The following SLC2A13 variants were observed in gnomAD, a reference collection of about 807,000 sequenced individuals.
SLC2A13 encodes the protein proton myo-inositol cotransporter.
A neutral mutation model predicts 64.4 loss-of-function variants in SLC2A13; 32 were observed. The observed-to-expected ratio is 0.50, with a 90% CI of 0.37 to 0.67. The LOEUF is 0.67. Among genes scored for constraint, SLC2A13 ranks in the 30% least tolerant of loss-of-function variants. The pLI is 0.00. For synonymous variants in SLC2A13, 338 were observed against 327.1 expected (o/e 1.03, Z -0.36); for missense variants, 743 against 829.2 (o/e 0.90, Z 1.28).
chr12:40,055,232 T>C (rs939579057), intron 1 of SLC2A13, among the ~76,000 whole-genome samples: 7 of 152,202 alleles, frequency 4.6e-5, no homozygotes, highest in Admixed American at 2.0e-4. Context: ...ATAAAATGCC[T>C]GTAACAGAAG....
intron 4 of SLC2A13, among the ~76,000 whole-genome samples, chr12:39,878,414 T>C (rs1222608281): frequency 1.3e-5 from 2 of 152,212 alleles, no homozygotes; most frequent in Non-Finnish European, 2.9e-5. Flanking sequence ...CGGTGAAGTC[T>C]AGACTGCTGA....
intron 7 of SLC2A13, among the ~76,000 whole-genome samples, chr12:39,768,371 A>T (rs1344589103): frequency 6.6e-6 from 1 of 152,044 alleles, no homozygotes; most frequent in Non-Finnish European, 1.5e-5. Context: ...TGGCACTTTT[A>T]ATATCCTTTA....
intron 6 of SLC2A13, among the ~76,000 whole-genome samples, chr12:39,855,470 A>G (rs1256787294): frequency 6.6e-6 from 1 of 152,218 alleles, no homozygotes; most frequent in African/African-American, 2.4e-5. Flanking sequence ...GAATTATGCC[A>G]GGTCATGCTC....
intron 7 of SLC2A13, among the ~76,000 whole-genome samples, chr12:39,804,446 C>G (rs1408103033): frequency 6.6e-6 from 1 of 152,048 alleles, no homozygotes; most frequent in African/African-American, 2.4e-5. Context: ...CATTCATTAC[C>G]AGAAACTGCT....
At chr12:39,849,945 T>C (rs2135892288) in intron 6 of SLC2A13, among the ~76,000 whole-genome samples, 1 of 152,302 alleles carries the variant, frequency 6.6e-6, no homozygotes, top group East Asian at 1.9e-4. Flanking sequence ...GTTATTAGTG[T>C]ATATAATTTT....
At chr12:40,080,815 A>AAC (rs1938368072) in intron 1 of SLC2A13, among the ~76,000 whole-genome samples, 1 of 152,200 alleles carries the variant, frequency 6.6e-6, no homozygotes. Flanking sequence ...TAGGTACTTA[A>AAC]GTGTTTTTAT....
chr12:40,067,080 C>G (rs1270673896), intron 1 of SLC2A13, among the ~76,000 whole-genome samples: 2 of 152,188 alleles, frequency 1.3e-5, no homozygotes, highest in Non-Finnish European at 2.9e-5. Flanking sequence ...GGGAAAATGA[C>G]TTACCTGGTT....
chr12:39,876,772 C>T (rs573107035), intron 4 of SLC2A13, among the ~76,000 whole-genome samples: 10 of 152,128 alleles, frequency 6.6e-5, no homozygotes, highest in East Asian at 3.9e-4. Flanking sequence ...ACTATAAAGA[C>T]GTTAATTTCA....
intron 4 of SLC2A13, chr12:39,908,233 A>T (rs1215495008): frequency 6.6e-6 from 1 of 152,058 alleles, no homozygotes; most frequent in Non-Finnish European, 1.5e-5. Context: ...TTGAAATGAG[A>T]CTATTATCTT....
chr12:39,871,674 A>ATTT, intron 5 of SLC2A13, 124 bp downstream of exon 5: 2 of 1,003,080 alleles, frequency 2.0e-6, no homozygotes, highest in Admixed American at 3.7e-5. Flanking sequence ...AAGAACTCTA[A>ATTT]TTTTTTTGTT....
chr12:40,068,849 C>G (rs1937847113), intron 1 of SLC2A13, among the ~76,000 whole-genome samples: 1 of 149,914 alleles, frequency 6.7e-6, no homozygotes, highest in African/African-American at 2.5e-5. Context: ...TTCTCATCCA[C>G]TCACTGATGA....
At chr12:39,842,772 A>T (rs1019237086) in intron 6 of SLC2A13, among the ~76,000 whole-genome samples, 1 of 151,934 alleles carries the variant, frequency 6.6e-6, no homozygotes, top group Admixed American at 6.6e-5. Context: ...TTACTTCCCA[A>T]TTCCCACTTT....
At chr12:40,101,594 G>A (rs1473199660) in intron 1 of SLC2A13, among the ~76,000 whole-genome samples, 1 of 152,134 alleles carries the variant, frequency 6.6e-6, no homozygotes, top group Non-Finnish European at 1.5e-5. Flanking sequence ...TCAGATTCAA[G>A]AGATGTTAAA....
At chr12:39,978,381 CG>C (rs1281616850) in intron 3 of SLC2A13, among the ~76,000 whole-genome samples, 2 of 152,140 alleles carry the variant, frequency 1.3e-5, no homozygotes, top group African/African-American at 4.8e-5. Context: ...ATGCAGAAGA[CG>C]GGTGATTTCT....
chr12:39,936,854 G>C (rs1221258422), intron 4 of SLC2A13, among the ~76,000 whole-genome samples: 2 of 152,170 alleles, frequency 1.3e-5, no homozygotes. Flanking sequence ...ATATTCAAAA[G>C]TAGAAATGTC....
intron 6 of SLC2A13, among the ~76,000 whole-genome samples, chr12:39,837,566 G>A (rs1943047430): frequency 7.0e-6 from 1 of 143,774 alleles, no homozygotes; most frequent in Non-Finnish European, 1.5e-5. Context: ...CTACAAAATG[G>A]GAGAAAATTT....
At chr12:39,953,828 G>A (rs1342704111) in intron 3 of SLC2A13, among the ~76,000 whole-genome samples, 3 of 152,110 alleles carry the variant, frequency 2.0e-5, no homozygotes, top group East Asian at 1.9e-4. Context: ...ATACTACCAA[G>A]TTGCTAAGTA....
chr12:39,928,823 G>A (rs1945773276), intron 4 of SLC2A13, among the ~76,000 whole-genome samples: 1 of 152,194 alleles, frequency 6.6e-6, no homozygotes, highest in Non-Finnish European at 1.5e-5. Context: ...AGTAAAGCCA[G>A]CAAGAAGCAG....
intron 7 of SLC2A13, among the ~76,000 whole-genome samples, chr12:39,782,271 A>G (rs1014110103): frequency 2.6e-5 from 4 of 152,076 alleles, no homozygotes; most frequent in Non-Finnish European, 4.4e-5. Flanking sequence ...TCAAATCTCA[A>G]TTTGAATTGT....
Sources: gnomAD v4.1 joint callset for allele counts (sites outside exome capture counted in the v4.1 genomes callset) on GRCh38, gnomAD v4.1.1 for gene constraint, MANE v1.5 for transcripts, NCBI Gene and HGNC (gene_info 2026-07-23, HGNC 2026-07-21) for gene names.